Variants in FSTL5 observed in about 807,000 individuals in gnomAD.
The protein encoded by FSTL5 is follistatin-related protein 5.
Under a neutral mutation model 89.1 loss-of-function variants are expected in FSTL5, and 62 were observed. The observed-to-expected ratio is 0.70, with a 90% CI of 0.57 to 0.86. The LOEUF (loss-of-function observed/expected upper bound fraction) is 0.86. FSTL5 is among the 40% of genes least tolerant of loss of function. The probability of loss-of-function intolerance (pLI) is 0.00; values close to 1 mark genes in which losing one functional copy is unlikely to be tolerated. For synonymous variants in FSTL5, 383 were observed against 346.2 expected, an observed-to-expected ratio of 1.11 and a Z score of -1.18; for missense variants, 1,057 against 1,001.6, an observed-to-expected ratio of 1.06 and a Z score of -0.75.
chr4:161,474,486 T>C (rs1734054068), intron 13 of FSTL5, among the ~76,000 whole-genome samples: 1 of 151,970 alleles, frequency 6.6e-6, no homozygotes, highest in Non-Finnish European at 1.5e-5. Context: ...TGATTGTCCA[T>C]GTATTTGCTT....
intron 7 of FSTL5, among the ~76,000 whole-genome samples, chr4:161,604,632 TA>T (rs1461682549): frequency 2.6e-5 from 4 of 152,264 alleles, no homozygotes; most frequent in Admixed American, 2.0e-4. Context: ...TCACTGGGGT[TA>T]CAAAACCACC....
At chr4:162,052,910 C>G (rs188038321) in intron 2 of FSTL5, among the ~76,000 whole-genome samples, 17 of 151,592 alleles carry the variant, frequency 1.1e-4, no homozygotes, top group Admixed American at 1.1e-3. Flanking sequence ...AGCACACACA[C>G]AGAACAAGAA....
chr4:161,500,175 A>T, intron 11 of FSTL5, 41 bp from the exon 12 acceptor site: 1 of 1,324,068 alleles, frequency 7.6e-7, no homozygotes, highest in Non-Finnish European at 1.1e-6. Context: ...AAATATAATT[A>T]TCATAAACCT....
At chr4:162,011,086 C>T (rs1001467235) in intron 3 of FSTL5, among the ~76,000 whole-genome samples, 1 of 152,150 alleles carries the variant, frequency 6.6e-6, no homozygotes, top group Non-Finnish European at 1.5e-5. Flanking sequence ...CAGAACACAT[C>T]TGATGTTTTT....
chr4:161,918,990 A>G (rs1733917480), intron 4 of FSTL5, among the ~76,000 whole-genome samples: 1 of 152,124 alleles, frequency 6.6e-6, no homozygotes, highest in Non-Finnish European at 1.5e-5. Flanking sequence ...TGTCAGGTGA[A>G]CAAACCCTCA....
intron 6 of FSTL5, among the ~76,000 whole-genome samples, chr4:161,729,989 A>C (rs900172729): frequency 1.7e-4 from 26 of 152,214 alleles, no homozygotes; most frequent in African/African-American, 6.0e-4. Context: ...ACACTAGTGT[A>C]TATGTATATT....
chr4:161,935,639 C>G (rs946022680), intron 3 of FSTL5, among the ~76,000 whole-genome samples: 2 of 151,930 alleles, frequency 1.3e-5, no homozygotes, highest in Admixed American at 1.3e-4. Flanking sequence ...TTTTTTAAAG[C>G]TCGTGGATAT....
intron 5 of FSTL5, among the ~76,000 whole-genome samples, chr4:161,767,267 A>G (rs1741046652): frequency 6.6e-6 from 1 of 152,218 alleles, no homozygotes. Flanking sequence ...TGTTTTAGTC[A>G]TAATCTATGT....
intron 4 of FSTL5, among the ~76,000 whole-genome samples, chr4:161,804,048 C>G (rs966335714): frequency 1.3e-5 from 2 of 151,910 alleles, no homozygotes; most frequent in South Asian, 4.1e-4. Context: ...TGGAGAACAC[C>G]CTTAGCTCCT....
At chr4:161,647,519 T>TAA (rs1243329593) in intron 7 of FSTL5, among the ~76,000 whole-genome samples, 1 of 138,516 alleles carries the variant, frequency 7.2e-6, no homozygotes, top group Admixed American at 7.4e-5. Context: ...TTTATTTCGT[T>TAA]TAAAAAAAAA....
chr4:161,701,321 C>A (rs1579032590), intron 6 of FSTL5, among the ~76,000 whole-genome samples: 1 of 152,142 alleles, frequency 6.6e-6, no homozygotes, highest in South Asian at 2.1e-4. Flanking sequence ...AATGGCTTCA[C>A]TTTCATTCAT....
chr4:162,029,158 AGAGAGAGAGT>A (rs1737414997), intron 3 of FSTL5, among the ~76,000 whole-genome samples: 2 of 110,132 alleles, frequency 1.8e-5, no homozygotes, highest in South Asian at 7.1e-4. Context: ...AGAGAGAGAG[AGAGAGAGAGT>A]GTGTGTGTGT....
At chr4:161,843,890 G>A (rs1731286593) in intron 4 of FSTL5, among the ~76,000 whole-genome samples, 1 of 152,116 alleles carries the variant, frequency 6.6e-6, no homozygotes, top group African/African-American at 2.4e-5. Context: ...CACTGGCAAA[G>A]ACTTCATGAC....
intron 9 of FSTL5, 22 bp downstream of exon 9, chr4:161,542,510 A>AT (rs1318475579): frequency 1.2e-5 from 17 of 1,390,026 alleles, no homozygotes; most frequent in Non-Finnish European, 1.6e-5. Flanking sequence ...ATTTAAGAGA[A>AT]AAAAAAGCAA....
At chr4:161,489,825 T>A (rs1369597173) in intron 12 of FSTL5, among the ~76,000 whole-genome samples, 8 of 152,174 alleles carry the variant, frequency 5.3e-5, no homozygotes, top group Admixed American at 5.2e-4. Context: ...ACAATAGATA[T>A]TCAACCTTTT....
chr4:161,532,549 T>C (rs1395514151), intron 10 of FSTL5, among the ~76,000 whole-genome samples: 1 of 152,230 alleles, frequency 6.6e-6, no homozygotes, highest in East Asian at 1.9e-4. Context: ...TCTTAATATG[T>C]GCAAATAAGA....
At chr4:161,554,468 T>C (rs1297674424) in intron 8 of FSTL5, among the ~76,000 whole-genome samples, 1 of 151,646 alleles carries the variant, frequency 6.6e-6, no homozygotes, top group African/African-American at 2.4e-5. Flanking sequence ...GATCTTTCTT[T>C]AGAAGTTTCT....
chr4:161,850,592 G>A (rs1276330626), intron 4 of FSTL5, among the ~76,000 whole-genome samples: 1 of 152,078 alleles, frequency 6.6e-6, no homozygotes, highest in Non-Finnish European at 1.5e-5. Context: ...CATGGCTGTG[G>A]GGCATCTGTC....
chr4:162,154,883 C>T lies in FSTL5; in HGVS notation c.-17+8732G>A, dbSNP rs145448099. ...AGATTTAATTAGGAAGAACAGCCTACGACATATTAACGAATCCAAAAGCCA... is the reference window on the plus strand; with the variant it reads ...AGATTTAATTAGGAAGAACAGCCTATGACATATTAACGAATCCAAAAGCCA... On this transcript the variant is annotated intron_variant, in intron 1 of 15. Transcript: ENST00000306100. Among the ~76,000 whole-genome samples the T allele has an allele frequency of 1.4e-3, 212 of 151,994 alleles. 1 individual carries two copies. The highest frequency in any genetic ancestry group is 4.7e-3 in the African/African-American group (195 of 41,468).
Sources: allele counts gnomAD v4.1 joint callset (sites outside exome capture counted in the v4.1 genomes callset), GRCh38; gene constraint gnomAD v4.1.1; transcripts MANE v1.5; gene names NCBI Gene and HGNC (gene_info 2026-07-23, HGNC 2026-07-21).